Variants in DPCD observed in about 807,000 individuals in gnomAD.
DPCD encodes the protein protein DPCD.
In DPCD, 20 loss-of-function variants were observed where a neutral mutation model predicts 26.4. The observed-to-expected ratio is 0.76, with a 90% CI of 0.53 to 1.10. The LOEUF is 1.10. Ranked by LOEUF, DPCD falls within the 50% of genes least tolerant of loss-of-function variation. DPCD has a pLI of 0.00. For missense variants in DPCD, 202 were observed against 253.9 expected, an observed-to-expected ratio of 0.80 and a Z score of 1.39; for synonymous variants, 97 against 94.2, an observed-to-expected ratio of 1.03 and a Z score of -0.17.
At chr10:101,594,838 C>A in intron 2 of DPCD, 100 bp downstream of exon 2, 2 of 1,141,634 alleles carry the variant, frequency 1.8e-6, no homozygotes, top group Non-Finnish European at 2.6e-6. Flanking sequence ...GAGCCCAGAT[C>A]AAATGTAGAG....
Position 101,609,636 on chromosome 10 carries a change from TAA to T in DPCD, c.*167_*168del, listed in dbSNP as rs1208875853. The T allele has an allele frequency of 2.9e-5, 18 of 619,260 alleles. No individual in the cohort carries two copies. 38.4% of individuals were successfully genotyped at this position (619,260 alleles called of 1,614,324 possible). A position where few individuals can be genotyped will look rare whatever the true frequency, so the allele number is the denominator to read the frequency against. ...GTGAGTCATGGTCATATTTCCTGAG[TAA>T]AGTCATTCTGAGTTACTTACTGCAC... On this transcript the variant is annotated 3_prime_UTR_variant, in exon 6 of 6. Coordinates refer to ENST00000370151, the MANE Select transcript of DPCD (RefSeq NM_015448.3).
At chr10:101,604,411 T>A (rs1335499948) in intron 4 of DPCD, among the ~76,000 whole-genome samples, 3 of 152,182 alleles carry the variant, frequency 2.0e-5, no homozygotes, top group Admixed American at 6.5e-5. Flanking sequence ...GTTCTAATAT[T>A]CTGGAATGTG....
chr10:101,593,009 T>TCAAAAAAAAAAAC (rs6144053), intron 1 of DPCD, among the ~76,000 whole-genome samples: 23,182 of 146,784 alleles, frequency 0.16, 2,177 homozygotes, highest in Middle Eastern at 0.24. Flanking sequence ...CGAGACTCTG[T>TCAAAAAAAAAAAC]CAAAAAAAAA....
intron 4 of DPCD, chr10:101,605,030 A>G: frequency 6.8e-7 from 1 of 1,465,464 alleles, no homozygotes; most frequent in Admixed American, 2.2e-5. Context: ...GAGAGCCTTT[A>G]GTATGTGTGT....
intron 4 of DPCD, 45 bp downstream of exon 4, chr10:101,601,381 G>A (rs774350115): frequency 1.9e-6 from 3 of 1,604,544 alleles, no homozygotes; most frequent in Non-Finnish European, 2.6e-6. Context: ...TATGAGCGGG[G>A]TGTAGGGTGG....
rs1170825966 is a variant in DPCD at position 101,603,893 on chromosome 10, T to C, written c.404+2557T>C. On this transcript the variant is annotated intron_variant, in intron 4 of 5. Coordinates refer to ENST00000370151, the MANE Select transcript of DPCD (RefSeq NM_015448.3). The surrounding 1 kb of genome is among the most constrained non-coding windows in gnomAD (Gnocchi z 4.6). Reference sequence around the variant, plus strand: ...TCATCCTCCTGAGAAGCTGGGACTATAGGCGCATACCACCCAATCTGGCCA... The same window carrying C: ...TCATCCTCCTGAGAAGCTGGGACTACAGGCGCATACCACCCAATCTGGCCA... 6.6e-6 allele frequency among the ~76,000 whole-genome samples: 1 copy of C among 152,174 alleles called. No individual in the cohort carries two copies. Among genetic ancestry groups the C allele is most frequent in the East Asian group, 1.9e-4 (1 of 5,186 alleles).
At chr10:101,599,362 A>C (rs1191564847) in intron 2 of DPCD, among the ~76,000 whole-genome samples, 2 of 152,220 alleles carry the variant, frequency 1.3e-5, no homozygotes, top group African/African-American at 4.8e-5. Flanking sequence ...CGTTCACTTA[A>C]GAGAGAAGTA....
Position 101,601,251 on chromosome 10 carries a change from C to T in DPCD, c.319C>T (p.Arg107Ter), listed in dbSNP as rs770506482. Residue 107 changes from arginine to a stop codon, truncating the protein, a stop_gained, in exon 4 of 6, where the codon CGA (arginine) becomes TGA (stop). Transcript: ENST00000370151. LOFTEE classifies it high-confidence loss of function. ...CAAGATGAGTTTCCAGTGGCGGATT[C>T]GAAACCTCCCCTATCCTAAGGATGT... ...DTKMSFQWRI[R>*]NLPYPKDVYS... 1.1e-5 allele frequency: 18 copies of T among 1,613,544 alleles called. No homozygotes were observed. The highest frequency in any genetic ancestry group is 1.6e-4 in the Middle Eastern group (1 of 6,084).
chr10:101,604,307 G>T (rs529447020), intron 4 of DPCD, among the ~76,000 whole-genome samples: 1 of 152,314 alleles, frequency 6.6e-6, no homozygotes, highest in South Asian at 2.1e-4. Context: ...TGTCTCTCCT[G>T]ATACTCAGAC....
chr10:101,600,962 G>T lies in DPCD; in HGVS notation c.270+100G>T. 1.9e-6 allele frequency: 3 copies of T among 1,569,320 alleles called. No individual in the cohort carries two copies. The highest frequency in any genetic ancestry group is 2.6e-6 in the Non-Finnish European group (3 of 1,160,602). ...GGGACCATGTCTTGTTCACCTCCTC[G>T]CCTCCAGTGTGCCACCTGGACACAG... On this transcript the variant is annotated intron_variant, in intron 3 of 5. Coordinates refer to ENST00000370151, the MANE Select transcript of DPCD (RefSeq NM_015448.3). The surrounding 1 kb of genome is among the most constrained non-coding windows in gnomAD (Gnocchi z 4.7).
intron 1 of DPCD, among the ~76,000 whole-genome samples, chr10:101,591,958 T>G (rs1443201957): frequency 6.6e-6 from 1 of 152,164 alleles, no homozygotes; most frequent in Middle Eastern, 3.2e-3. Context: ...AGGGCTGAGA[T>G]TACAGGCGTG....
At chr10:101,602,464 A>G (rs1052855208) in intron 4 of DPCD, among the ~76,000 whole-genome samples, 18 of 152,232 alleles carry the variant, frequency 1.2e-4, no homozygotes, top group Admixed American at 1.1e-3. Context: ...GTGGAGATGG[A>G]TGAATTAATT....
chr10:101,605,080 G>A (rs1564895934), intron 4 of DPCD: 3 of 1,549,808 alleles, frequency 1.9e-6, no homozygotes, highest in South Asian at 1.2e-5. Flanking sequence ...TGTGGGTGGG[G>A]GTGCCAAGTT....
intron 1 of DPCD, among the ~76,000 whole-genome samples, chr10:101,592,556 C>G (rs1384240548): frequency 1.3e-5 from 2 of 151,944 alleles, no homozygotes; most frequent in Non-Finnish European, 2.9e-5. Context: ...CCCATCTCTA[C>G]AAAGAAATTT....
intron 4 of DPCD, among the ~76,000 whole-genome samples, chr10:101,602,995 GGA>G (rs1416258307): frequency 1.3e-4 from 20 of 152,396 alleles, no homozygotes; most frequent in African/African-American, 4.6e-4. Flanking sequence ...CTCCATGGCT[GGA>G]GGCCCAGGCT....
At chr10:101,589,105 A>G (rs2063547411) in intron 1 of DPCD, among the ~76,000 whole-genome samples, 2 of 152,216 alleles carry the variant, frequency 1.3e-5, no homozygotes, top group African/African-American at 4.8e-5. Context: ...AGCCAGGATG[A>G]ATTGCGTCTG....
At chr10:101,608,552 A>G (rs528484472) in intron 4 of DPCD, among the ~76,000 whole-genome samples, 1 of 152,256 alleles carries the variant, frequency 6.6e-6, no homozygotes, top group South Asian at 2.1e-4. Context: ...TGTCTTTGGG[A>G]GACCCAGCTC....
chr10:101,599,023 T>TA (rs2063673829), intron 2 of DPCD, among the ~76,000 whole-genome samples: 1 of 152,222 alleles, frequency 6.6e-6, no homozygotes, highest in Non-Finnish European at 1.5e-5. Context: ...TGTTTGCCCT[T>TA]ACACTAAATG....
chr10:101,596,997 T>C (rs2063656855), intron 2 of DPCD, among the ~76,000 whole-genome samples: 1 of 152,172 alleles, frequency 6.6e-6, no homozygotes, highest in African/African-American at 2.4e-5. Flanking sequence ...GTCCTGTTTT[T>C]TTCCTACCCT....
Sources: gnomAD v4.1 joint callset for allele counts (sites outside exome capture counted in the v4.1 genomes callset) on GRCh38, gnomAD v4.1.1 for gene constraint, Gnocchi (gnomAD v3.1) non-coding constraint, MANE v1.5 for transcripts, NCBI Gene and HGNC (gene_info 2026-07-23, HGNC 2026-07-21) for gene names.